Variants in TMCO6 observed in about 807,000 individuals in gnomAD.
TMCO6 encodes transmembrane and coiled-coil domain-containing protein 6.
Under a neutral mutation model 61.8 loss-of-function variants are expected in TMCO6, and 47 were observed. That is an observed-to-expected ratio of 0.76 (90% confidence interval 0.60 to 0.97). The LOEUF (loss-of-function observed/expected upper bound fraction) is 0.97, where lower values mean the gene tolerates loss of function less well. Among genes scored for constraint, TMCO6 ranks in the 50% least tolerant of loss-of-function variants. The pLI, the probability that TMCO6 is intolerant of heterozygous loss-of-function variation, is 0.00. For missense variants in TMCO6, 557 were observed against 601.6 expected, an observed-to-expected ratio of 0.93 and a Z score of 0.78; for synonymous variants, 261 against 254.2, an observed-to-expected ratio of 1.03 and a Z score of -0.25.
At chr5:140,626,072 A>C in the TMCO6 span, among the ~76,000 whole-genome samples, 1 of 152,078 alleles carries the variant, frequency 6.6e-6, no homozygotes, top group African/African-American at 2.4e-5. Flanking sequence ...GAACTTACTC[A>C]TGGCTATTCA....
chr5:140,646,451 A>C (rs1035589641), downstream of TMCO6, among the ~76,000 whole-genome samples: 5 of 152,110 alleles, frequency 3.3e-5, no homozygotes, highest in African/African-American at 1.2e-4. Flanking sequence ...TTATTAGTGC[A>C]TGTCTAATGT....
chr5:140,616,316 G>T, the TMCO6 span, among the ~76,000 whole-genome samples: 2 of 152,098 alleles, frequency 1.3e-5, no homozygotes, highest in African/African-American at 2.4e-5. Flanking sequence ...TACTTTGAGA[G>T]GCCAAGGCCA....
upstream of TMCO6, chr5:140,639,375 C>T (rs1464564791): frequency 1.1e-5 from 8 of 721,346 alleles, no homozygotes; most frequent in Non-Finnish European, 1.8e-5. Flanking sequence ...GTCCACTCGC[C>T]GAGCCCCGCC....
chr5:140,607,468 G>T, the TMCO6 span, among the ~76,000 whole-genome samples: 1 of 152,094 alleles, frequency 6.6e-6, no homozygotes, highest in Non-Finnish European at 1.5e-5. Flanking sequence ...TCATTTCCAT[G>T]TTTTAGCTAT....
At chr5:140,633,276 C>A in the TMCO6 span, 1 of 658,572 alleles carries the variant, frequency 1.5e-6, no homozygotes. Context: ...TTCCTCCGAG[C>A]CAGCCCCCTT....
In TMCO6 at chr5:140,641,849, C is replaced by G. The variant is rs752577136; in HGVS notation, c.315-21C>G. 3.1e-6 allele frequency: 5 copies of G among 1,613,742 alleles called. No individual in the cohort carries two copies. The South Asian group carries it at 5.5e-5, about 18-fold the overall frequency. On this transcript the variant is annotated intron_variant, in intron 3 of 11. Transcript: ENST00000394671. ...GGGATGGACCACAAGCTAAGCAGGGCTCTGGTACTCACTCACATAGGCTGG... is the reference window on the plus strand; with the variant it reads ...GGGATGGACCACAAGCTAAGCAGGGGTCTGGTACTCACTCACATAGGCTGG...
the TMCO6 span, among the ~76,000 whole-genome samples, chr5:140,606,439 T>G: frequency 5.9e-5 from 9 of 152,312 alleles, no homozygotes; most frequent in Admixed American, 5.9e-4. Context: ...ATTTTGTTGA[T>G]CTTTTAAAAG....
At chr5:140,618,104 CACAT>C in the TMCO6 span, among the ~76,000 whole-genome samples, 1 of 152,124 alleles carries the variant, frequency 6.6e-6, no homozygotes, top group Non-Finnish European at 1.5e-5. Flanking sequence ...GAAACAGACT[CACAT>C]ATATATTGTC....
chr5:140,643,552 C>T lies in TMCO6; in HGVS notation c.807-12C>T. 6.2e-7 allele frequency: 1 copy of T among 1,612,452 alleles called. No individual in the cohort carries two copies. ...CTATATACCTAGGGACTGCTTGCTTCCTGTTGCCCAGCCAGGTCAGCAATC... is the reference window on the plus strand; with the variant it reads ...CTATATACCTAGGGACTGCTTGCTTTCTGTTGCCCAGCCAGGTCAGCAATC... On this transcript the variant is annotated splice_polypyrimidine_tract_variant and intron_variant, in intron 7 of 11. Transcript: ENST00000394671.
At chr5:140,602,417 G>A in the TMCO6 span, among the ~76,000 whole-genome samples, 1 of 152,124 alleles carries the variant, frequency 6.6e-6, no homozygotes, top group Non-Finnish European at 1.5e-5. Context: ...GTTTCATTTC[G>A]TCTTTTTGAA....
In TMCO6 at chr5:140,642,006, ACTT is replaced by A. The variant is rs1272762513; in HGVS notation, c.455_457del (p.Ser152del). 6.2e-7 allele frequency: 1 copy of A among 1,612,964 alleles called. No individual in the cohort carries two copies. On this transcript the variant is annotated inframe_deletion, in exon 4 of 12. Coordinates refer to ENST00000394671, the MANE Select transcript of TMCO6 (RefSeq NM_018502.5). Reference sequence around the variant, plus strand: ...TGTTGCTGAGGCCTGCCTGCCAGCCACTTCTTACCTCCTCACCTACCTCTCCAG... The same window carrying A: ...TGTTGCTGAGGCCTGCCTGCCAGCCACTTACCTCCTCACCTACCTCTCCAG...
At chr5:140,633,140 C>G in the TMCO6 span, 2 of 1,597,334 alleles carry the variant, frequency 1.3e-6, no homozygotes, top group Admixed American at 1.7e-5. Context: ...CTTTCCTACA[C>G]AGCGGCACCC....
At chr5:140,645,686 G>A (rs373000875), downstream of TMCO6, 1 of 1,614,216 alleles carries the variant, frequency 6.2e-7, no homozygotes, top group Non-Finnish European at 8.5e-7. Flanking sequence ...ATGCTGAAGA[G>A]AGAGAGGGAG....
chr5:140,633,151 G>A, the TMCO6 span: 4 of 1,583,278 alleles, frequency 2.5e-6, no homozygotes, highest in Non-Finnish European at 2.6e-6. Flanking sequence ...AGCGGCACCC[G>A]CCGGCTTCCA....
chr5:140,612,469 A>G, the TMCO6 span, among the ~76,000 whole-genome samples: 3 of 151,502 alleles, frequency 2.0e-5, no homozygotes, highest in African/African-American at 7.3e-5. Context: ...CCTCCCGAGT[A>G]GCTGGGACTA....
At chr5:140,597,389 C>G in the TMCO6 span, among the ~76,000 whole-genome samples, 1 of 152,042 alleles carries the variant, frequency 6.6e-6, no homozygotes, top group African/African-American at 2.4e-5. Flanking sequence ...CAAAATGTCT[C>G]CCACAGAAAG....
chr5:140,631,495 C>G, the TMCO6 span, among the ~76,000 whole-genome samples: 1 of 152,118 alleles, frequency 6.6e-6, no homozygotes, highest in Admixed American at 6.5e-5. Flanking sequence ...AATCCAGATG[C>G]CAATAATCTG....
At chr5:140,632,830 C>A in the TMCO6 span, 5 of 1,613,948 alleles carry the variant, frequency 3.1e-6, no homozygotes, top group African/African-American at 5.3e-5. The surrounding 1 kb of genome is among the most constrained non-coding windows in gnomAD (Gnocchi z 6.2). Flanking sequence ...ACTGCAGACA[C>A]ACACTGGAAG....
chr5:140,608,070 G>A, the TMCO6 span, among the ~76,000 whole-genome samples: 1 of 152,100 alleles, frequency 6.6e-6, no homozygotes, highest in East Asian at 1.9e-4. Context: ...GATTACATGC[G>A]TGAGCCACTG....
Sources: gnomAD v4.1 joint callset for allele counts (sites outside exome capture counted in the v4.1 genomes callset) on GRCh38, gnomAD v4.1.1 for gene constraint, Gnocchi (gnomAD v3.1) non-coding constraint, MANE v1.5 for transcripts, NCBI Gene and HGNC (gene_info 2026-07-23, HGNC 2026-07-21) for gene names.